AKT3: variants seen among roughly 807,000 people sequenced by gnomAD.
AKT3 encodes AKT serine/threonine kinase 3, also known as RAC-gamma serine/threonine-protein kinase.
A neutral mutation model predicts 65.3 loss-of-function variants in AKT3; 15 were observed. The ratio of observed to expected loss-of-function variants is 0.23; its 90% CI spans 0.15 to 0.35. The LOEUF (loss-of-function observed/expected upper bound fraction) is 0.35, where lower values mean the gene tolerates loss of function less well. Among genes scored for constraint, AKT3 ranks in the 10% least tolerant of loss-of-function variants. The pLI, the probability that AKT3 is intolerant of heterozygous loss-of-function variation, is 1.00. For missense variants in AKT3, 243 were observed against 576.5 expected (o/e 0.42, Z 5.92); for synonymous variants, 206 against 183.8 (o/e 1.12, Z -0.98).
intron 1 of AKT3, among the ~76,000 whole-genome samples, chr1:243,847,640 T>G (rs548872831): frequency 6.6e-6 from 1 of 152,196 alleles, no homozygotes; most frequent in Non-Finnish European, 1.5e-5. Context: ...CTATGCTAAG[T>G]CCATTTGTTC....
chr1:243,693,524 T>C (rs1306662856), intron 3 of AKT3, among the ~76,000 whole-genome samples: 1 of 151,654 alleles, frequency 6.6e-6, no homozygotes, highest in African/African-American at 2.4e-5. Flanking sequence ...CTGCTCAAAG[T>C]CCACCCCACA....
At chr1:243,549,135 GT>G in intron 11 of AKT3, among the ~76,000 whole-genome samples, 1 of 152,214 alleles carries the variant, frequency 6.6e-6, no homozygotes, top group East Asian at 1.9e-4. Context: ...CATGTAGTCA[GT>G]TACTGTGTTT....
chr1:243,819,659 A>C, intron 2 of AKT3, among the ~76,000 whole-genome samples: 1 of 152,216 alleles, frequency 6.6e-6, no homozygotes, highest in Non-Finnish European at 1.5e-5. Context: ...CGATTTCATT[A>C]AGCAGGTCCT....
intron 2 of AKT3, among the ~76,000 whole-genome samples, chr1:243,738,843 C>G (rs530040016): frequency 1.3e-5 from 2 of 152,236 alleles, no homozygotes; most frequent in South Asian, 2.1e-4. Flanking sequence ...ATTGTTTTAA[C>G]TACATTATTT....
intron 3 of AKT3, 49 bp downstream of exon 3, chr1:243,695,542 C>G (rs369227373): frequency 5.3e-6 from 8 of 1,501,042 alleles, no homozygotes; most frequent in Non-Finnish European, 7.2e-6. Context: ...CACATAAAAT[C>G]ATAAAAATAA....
At chr1:243,677,665 T>C (rs987230944) in intron 3 of AKT3, among the ~76,000 whole-genome samples, 4 of 152,046 alleles carry the variant, frequency 2.6e-5, no homozygotes, top group African/African-American at 4.8e-5. Flanking sequence ...GGAGTAGATG[T>C]AAAGAATAAA....
At chr1:243,694,528 CTTTT>C (rs199852052) in intron 3 of AKT3, among the ~76,000 whole-genome samples, 1 of 147,382 alleles carries the variant, frequency 6.8e-6, no homozygotes, top group Non-Finnish European at 1.5e-5. Context: ...ACAGAGAAAG[CTTTT>C]TTTTTTAAGT....
At chr1:243,659,793 A>T (rs1682135681) in intron 4 of AKT3, among the ~76,000 whole-genome samples, 2 of 152,244 alleles carry the variant, frequency 1.3e-5, no homozygotes, top group Admixed American at 1.3e-4. Context: ...ACTGGGCAGA[A>T]TATTAAAAAT....
At chr1:243,506,670 C>T (rs1484073443) in intron 13 of AKT3, among the ~76,000 whole-genome samples, 5 of 152,348 alleles carry the variant, frequency 3.3e-5, no homozygotes, top group Admixed American at 3.3e-4. Context: ...AAGATATCCT[C>T]GTATTAGGTG....
At chr1:243,793,243 T>C (rs559983883) in intron 2 of AKT3, 1 of 152,274 alleles carries the variant, frequency 6.6e-6, no homozygotes, top group African/African-American at 2.4e-5. Context: ...TTCAAAATTT[T>C]TATTTTAAAA....
At chr1:243,625,868 C>T (rs1679122144) in intron 6 of AKT3, among the ~76,000 whole-genome samples, 1 of 152,146 alleles carries the variant, frequency 6.6e-6, no homozygotes, top group African/African-American at 2.4e-5. Flanking sequence ...GATCCAAACA[C>T]ACAATAGATT....
At chr1:243,684,999 G>C (rs1343180236) in intron 3 of AKT3, among the ~76,000 whole-genome samples, 1 of 151,916 alleles carries the variant, frequency 6.6e-6, no homozygotes, top group Non-Finnish European at 1.5e-5. Flanking sequence ...CTTTTTGATG[G>C]GGTACTTTTT....
intron 5 of AKT3, among the ~76,000 whole-genome samples, chr1:243,639,066 G>T (rs1007741565): frequency 1.3e-5 from 2 of 152,068 alleles, no homozygotes; most frequent in Admixed American, 6.6e-5. Context: ...AGATTCTACA[G>T]ATATTAAAAG....
At chr1:243,510,293 C>A (rs920852796) in intron 13 of AKT3, among the ~76,000 whole-genome samples, 1 of 152,172 alleles carries the variant, frequency 6.6e-6, no homozygotes, top group African/African-American at 2.4e-5. Flanking sequence ...TTATTGAATA[C>A]GCACACTGTG....
intron 2 of AKT3, among the ~76,000 whole-genome samples, chr1:243,755,786 G>A (rs1689100083): frequency 6.6e-6 from 1 of 152,158 alleles, no homozygotes; most frequent in Admixed American, 6.5e-5. Context: ...TTATCATAAA[G>A]CAATTCCACC....
chr1:243,733,622 C>T (rs768714075), intron 2 of AKT3, among the ~76,000 whole-genome samples: 1 of 152,094 alleles, frequency 6.6e-6, no homozygotes, highest in Non-Finnish European at 1.5e-5. Context: ...ATCTCAGAGA[C>T]CTTTTGGGTT....
intron 2 of AKT3, among the ~76,000 whole-genome samples, chr1:243,750,988 A>G (rs1277816081): frequency 1.3e-5 from 2 of 152,230 alleles, no homozygotes; most frequent in Non-Finnish European, 2.9e-5. Context: ...CTATCAGTCT[A>G]TAAACACTAC....
At chr1:243,611,616 G>A (rs1437238986) in intron 8 of AKT3, among the ~76,000 whole-genome samples, 6 of 151,976 alleles carry the variant, frequency 3.9e-5, no homozygotes, top group African/African-American at 1.5e-4. Context: ...CTTAGGAGGT[G>A]GAAGTTGCAG....
intron 3 of AKT3, among the ~76,000 whole-genome samples, chr1:243,668,014 C>T (rs996950701): frequency 8.5e-5 from 13 of 152,206 alleles, no homozygotes; most frequent in Admixed American, 7.8e-4. Flanking sequence ...CCTCCATCTT[C>T]TCTTACCTGC....
Sources: gnomAD v4.1 joint callset for allele counts (sites outside exome capture counted in the v4.1 genomes callset) on GRCh38, gnomAD v4.1.1 for gene constraint, MANE v1.5 for transcripts, NCBI Gene and HGNC (gene_info 2026-07-23, HGNC 2026-07-21) for gene names.